The following FMR1NB variants were observed in gnomAD, a reference collection of about 807,000 sequenced individuals.
FMR1NB encodes the protein FMR1 neighbor protein.
In FMR1NB, 10 loss-of-function variants were observed where a neutral mutation model predicts 16.8. That is an observed-to-expected ratio of 0.60 (90% CI 0.37 to 1.01). The LOEUF is 1.01. FMR1NB is among the 50% of genes least tolerant of loss of function. FMR1NB has a pLI of 0.01. For missense variants in FMR1NB, 205 were observed against 204.8 expected (o/e 1.00, Z 0.00); for synonymous variants, 83 against 79.1 (o/e 1.05, Z -0.26).
intron 4 of FMR1NB, among the ~76,000 whole-genome samples, chrX:148,011,449 C>T (rs1167011926): frequency 3.6e-5 from 4 of 111,066 alleles, no homozygotes; most frequent in Admixed American, 9.6e-5. Context: ...CCGGGTATAA[C>T]GGAGGATACA....
intron 4 of FMR1NB, among the ~76,000 whole-genome samples, chrX:148,013,036 G>A (rs2044632784): frequency 9.0e-6 from 1 of 111,725 alleles, no homozygotes; most frequent in Non-Finnish European, 1.9e-5. Flanking sequence ...GATAAAATAT[G>A]TCAGATGAGA....
chrX:147,984,615 C>A (rs183824104), intron 1 of FMR1NB, among the ~76,000 whole-genome samples: 19 of 111,668 alleles, frequency 1.7e-4, no homozygotes, highest in Admixed American at 5.7e-4. Context: ...ATTTTGTGGG[C>A]TTTTTGGATA....
intron 4 of FMR1NB, among the ~76,000 whole-genome samples, chrX:148,019,796 G>A (rs2044669704): frequency 8.9e-6 from 1 of 111,752 alleles, no homozygotes; most frequent in South Asian, 3.7e-4. Context: ...GGAGCTTTGG[G>A]GTGAGGTGAC....
chrX:148,004,817 CA>C (rs1352305852), intron 2 of FMR1NB, among the ~76,000 whole-genome samples: 23 of 111,229 alleles, frequency 2.1e-4, no homozygotes, highest in Non-Finnish European at 3.6e-4. Context: ...TTAAACCTGA[CA>C]AAAAAAAATT....
chrX:148,021,639 C>T (rs1187999172), intron 4 of FMR1NB, among the ~76,000 whole-genome samples: 2 of 110,824 alleles, frequency 1.8e-5, no homozygotes, highest in African/African-American at 3.3e-5. Context: ...GTACTCAATC[C>T]GGAGGAATTG....
intron 1 of FMR1NB, among the ~76,000 whole-genome samples, chrX:147,993,816 A>G (rs781921103): frequency 5.1e-4 from 56 of 110,234 alleles, no homozygotes; most frequent in Non-Finnish European, 1.0e-3. Context: ...TTCACCACCC[A>G]AAGGTACTTT....
chrX:148,002,928 T>C (rs1236555629), intron 1 of FMR1NB, among the ~76,000 whole-genome samples: 2 of 112,388 alleles, frequency 1.8e-5, no homozygotes, highest in African/African-American at 6.5e-5. Flanking sequence ...TAATGCCATT[T>C]GTCAGAGGCA....
intron 1 of FMR1NB, among the ~76,000 whole-genome samples, chrX:147,989,520 C>G (rs1208020214): frequency 8.9e-6 from 1 of 112,019 alleles, no homozygotes; most frequent in Non-Finnish European, 1.9e-5. Flanking sequence ...CTTAGCAGAG[C>G]TCGAGTGCTG....
At chrX:147,998,015 A>C (rs1557188329) in intron 1 of FMR1NB, among the ~76,000 whole-genome samples, 1 of 112,577 alleles carries the variant, frequency 8.9e-6, no homozygotes, top group Non-Finnish European at 1.9e-5. Context: ...GGGAGTATAA[A>C]TTAGTTCAAC....
At chrX:148,008,897 C>T (rs897883449) in intron 4 of FMR1NB, among the ~76,000 whole-genome samples, 186 bp downstream of exon 4, 14 of 111,875 alleles carry the variant, frequency 1.3e-4, no homozygotes, top group African/African-American at 1.9e-4. Flanking sequence ...TGCATGTTAT[C>T]GGCCAGGCAC....
chrX:147,984,191 G>A (rs1255860279), intron 1 of FMR1NB, among the ~76,000 whole-genome samples: 5 of 111,356 alleles, frequency 4.5e-5, no homozygotes, highest in Admixed American at 9.6e-5. Context: ...ACTGTTTTGC[G>A]TATTCATGGC....
intron 2 of FMR1NB, among the ~76,000 whole-genome samples, chrX:148,006,131 T>A (rs17274183): frequency 0.075 from 8,430 of 111,723 alleles, 265 homozygotes; most frequent in East Asian, 0.12. Context: ...AATCTTGGTG[T>A]TAATGCCATA....
intron 1 of FMR1NB, among the ~76,000 whole-genome samples, chrX:147,982,854 A>C (rs889189645): frequency 8.9e-6 from 1 of 111,945 alleles, no homozygotes; most frequent in African/African-American, 3.3e-5. Flanking sequence ...AGATCGCGCC[A>C]CTACACTCCA....
Position 147,996,164 on chromosome X carries a change from G to A in FMR1NB, c.278-7037G>A, listed in dbSNP as rs782502913. 4.5e-5 allele frequency among the ~76,000 whole-genome samples: 5 copies of A among 111,574 alleles called. No homozygotes were observed. The East Asian group carries it at 1.4e-3, about 31-fold the overall frequency. On this transcript the variant is annotated intron_variant, in intron 1 of 5. Transcript: ENST00000370467. ...GTTGACCATATTTGCTATTAAGAAA[G>A]TTATTAATAAAAATAAATATCCTGA...
At chrX:147,982,630 A>C (rs2044455746) in intron 1 of FMR1NB, among the ~76,000 whole-genome samples, 1 of 103,665 alleles carries the variant, frequency 9.6e-6, no homozygotes, top group Non-Finnish European at 2.0e-5. Context: ...GCGGTGGGTC[A>C]TGCCTGTAAT....
chrX:147,996,572 T>A (rs1424471803), intron 1 of FMR1NB, among the ~76,000 whole-genome samples: 1 of 100,320 alleles, frequency 1.0e-5, no homozygotes, highest in African/African-American at 3.6e-5. Context: ...CTATTAGACC[T>A]CACACCACAG....
chrX:148,018,420 A>G (rs1448840990), intron 4 of FMR1NB, among the ~76,000 whole-genome samples: 3 of 111,933 alleles, frequency 2.7e-5, no homozygotes, highest in Non-Finnish European at 5.6e-5. Context: ...CTGACTTCAA[A>G]CTATACTACA....
rs1557186482 is a variant in FMR1NB at position 147,981,429 on chromosome X, G to T, written c.27G>T (p.Lys9Asn). The T allele has an allele frequency of 4.1e-6, 5 of 1,211,198 alleles. No homozygotes were observed. The highest frequency in any genetic ancestry group is 5.6e-6 in the Non-Finnish European group (5 of 895,117). ...TGTCTTCACATAGGAGGAAAGCGAA[G>T]GGGAGGAATAGGAGAAGTCACCGTG... MSSHRRKAKGRNRRSHRAM... is the reference protein window; with the variant it reads MSSHRRKANGRNRRSHRAM... The change falls in exon 1 of 6, where the codon AAG (lysine) becomes AAT (asparagine). Residue 9 changes from lysine (K) to asparagine (N), a missense_variant. Lys to Asn is a moderately conservative substitution (Grantham distance 94). Transcript: ENST00000370467.
rs781855133 is a variant in FMR1NB, at chrX:148,004,392, T to C, written c.397+1072T>C. 2.2e-4 allele frequency among the ~76,000 whole-genome samples: 25 copies of C among 112,237 alleles called. 1 individual carries two copies. Among genetic ancestry groups the C allele is most frequent in the African/African-American group, 7.1e-4 (22 of 30,958 alleles). ...CTGTAAAAATGGTTCGAAAAAGATA[T>C]CTGCATTTCCCAAATATTTCTCCAA... is the stretch of plus-strand genomic sequence containing the variant. On this transcript the variant is annotated intron_variant, in intron 2 of 5. Coordinates refer to ENST00000370467, the MANE Select transcript of FMR1NB (RefSeq NM_152578.3).
Sources: gnomAD v4.1 joint callset for allele counts (sites outside exome capture counted in the v4.1 genomes callset) on GRCh38, gnomAD v4.1.1 for gene constraint, MANE v1.5 for transcripts, NCBI Gene and HGNC (gene_info 2026-07-23, HGNC 2026-07-21) for gene names.